The following ADARB2 variants were observed in gnomAD, a reference collection of about 807,000 sequenced individuals.
ADARB2 encodes inactive double-stranded RNA-specific editase B2.
ADARB2 carries 25 observed loss-of-function variants against 62.2 expected under a neutral mutation model. The observed-to-expected ratio is 0.40, with a 90% CI of 0.29 to 0.56. The LOEUF (loss-of-function observed/expected upper bound fraction) is 0.56. ADARB2 is among the 20% of genes least tolerant of loss of function. The pLI is 0.43. For missense variants in ADARB2, 1,071 were observed against 1,077.4 expected (o/e 0.99, Z 0.08); for synonymous variants, 572 against 500.8 (o/e 1.14, Z -1.90).
chr10:1,500,829 T>C (rs1363926388), intron 1 of ADARB2, among the ~76,000 whole-genome samples: 1 of 152,214 alleles, frequency 6.6e-6, no homozygotes, highest in African/African-American at 2.4e-5. Context: ...TGTTGTGCTG[T>C]CCCTGAAACC....
intron 1 of ADARB2, among the ~76,000 whole-genome samples, chr10:1,431,510 T>A (rs900399901): frequency 6.6e-6 from 1 of 151,978 alleles, no homozygotes; most frequent in Admixed American, 6.6e-5. Context: ...ACATTAGAAA[T>A]GAAGAAAGGT....
intron 1 of ADARB2, among the ~76,000 whole-genome samples, chr10:1,639,710 C>T (rs560794776): frequency 3.9e-5 from 6 of 152,182 alleles, no homozygotes; most frequent in Admixed American, 2.6e-4. Context: ...GGTGTGGTGG[C>T]GGGCGCCTGT....
intron 1 of ADARB2, among the ~76,000 whole-genome samples, chr10:1,527,819 G>T (rs1039660495): frequency 3.3e-5 from 5 of 152,162 alleles, no homozygotes; most frequent in African/African-American, 7.2e-5. Flanking sequence ...TCAGATGGAC[G>T]ACAGGGGAGA....
At chr10:1,715,594 T>C (rs1835007402) in intron 1 of ADARB2, among the ~76,000 whole-genome samples, 1 of 152,204 alleles carries the variant, frequency 6.6e-6, no homozygotes, top group African/African-American at 2.4e-5. Context: ...TGTTTCCTCA[T>C]CTGGCCTTCT....
rs541724945 is a variant in ADARB2 at position 1,260,583 on chromosome 10, T to C, written c.1192+10372A>G. On this transcript the variant is annotated intron_variant, in intron 4 of 9. Transcript: ENST00000381312. ...TCAAAGACAATAAAATACCTAGGAA[T>C]CCAACTTATAAGGGATGTGAAGGAC... Among the ~76,000 whole-genome samples the C allele has an allele frequency of 4.0e-3, 602 of 151,730 alleles. 5 individuals are homozygous for C. The highest frequency in any genetic ancestry group is 0.014 in the African/African-American group (575 of 41,236).
At chr10:1,503,191 T>C (rs1831787085) in intron 1 of ADARB2, among the ~76,000 whole-genome samples, 1 of 152,184 alleles carries the variant, frequency 6.6e-6, no homozygotes, top group Non-Finnish European at 1.5e-5. Context: ...GATTATGCAA[T>C]ATCAGGCTTT....
intron 2 of ADARB2, among the ~76,000 whole-genome samples, chr10:1,365,621 C>T (rs1333407368): frequency 1.3e-4 from 20 of 152,150 alleles, no homozygotes; most frequent in Admixed American, 1.3e-3. Flanking sequence ...TTTAAAAAGA[C>T]CTGTAATGTC....
intron 1 of ADARB2, among the ~76,000 whole-genome samples, chr10:1,625,027 T>C (rs1833749533): frequency 6.6e-6 from 1 of 152,244 alleles, no homozygotes; most frequent in South Asian, 2.1e-4. Context: ...TCTCCTACTG[T>C]TGTGTTAGCT....
At chr10:1,372,644 G>A (rs906230221) in intron 2 of ADARB2, among the ~76,000 whole-genome samples, 4 of 152,138 alleles carry the variant, frequency 2.6e-5, no homozygotes, top group Non-Finnish European at 5.9e-5. Context: ...GAGGTTTGAA[G>A]GGCCTGCATT....
chr10:1,480,913 T>G (rs1440616182), intron 1 of ADARB2, among the ~76,000 whole-genome samples: 1 of 152,196 alleles, frequency 6.6e-6, no homozygotes, highest in Non-Finnish European at 1.5e-5. Flanking sequence ...ACAGATTCAA[T>G]GTAATCTCTA....
At chr10:1,209,689 C>T (rs1331170928) in intron 7 of ADARB2, among the ~76,000 whole-genome samples, 1 of 149,182 alleles carries the variant, frequency 6.7e-6, no homozygotes, top group African/African-American at 2.5e-5. Context: ...ACACCCACAC[C>T]ATCACCCATG....
chr10:1,293,209 AGGGAGGGAGAGAGGGACG>A (rs1413768160), intron 3 of ADARB2, among the ~76,000 whole-genome samples: 143 of 94,388 alleles, frequency 1.5e-3, no homozygotes, highest in East Asian at 3.6e-3. Flanking sequence ...AAAAAGAGGG[AGGGAGGGAGAGAGGGACG>A]GGGAGGGAGA....
At position 1,184,875 on chromosome 10, in the gene ADARB2, G is replaced by C; in HGVS notation, c.2029C>G (p.Arg677Gly). 1 of 1,613,366 alleles carries C rather than the reference G, an allele frequency of 6.2e-7. No homozygotes were observed. Among genetic ancestry groups the C allele is most frequent in the Non-Finnish European group, 8.5e-7 (1 of 1,179,838 alleles). ...GTGCGACCTACCCTGCCATACAGCC[G>C]CGCCCACCGTGCAGACAGCACGTGC... ...CKHVLSARWA[R>G]LYGRLSTRTP... Residue 677 changes from arginine (R) to glycine (G), a missense_variant, in exon 9 of 10, where the codon CGG (arginine) becomes GGG (glycine). By Grantham distance (125) the Arg-to-Gly change is moderately radical (BLOSUM62 -2). Coordinates refer to ENST00000381312, the MANE Select transcript of ADARB2 (RefSeq NM_018702.4).
At chr10:1,295,884 A>G (rs1831518405) in intron 3 of ADARB2, among the ~76,000 whole-genome samples, 1 of 152,224 alleles carries the variant, frequency 6.6e-6, no homozygotes, top group African/African-American at 2.4e-5. Context: ...TGTGTGGTGC[A>G]GCAGTAAGCT....
intron 1 of ADARB2, among the ~76,000 whole-genome samples, chr10:1,483,933 C>T (rs1332851577): frequency 3.9e-5 from 6 of 152,148 alleles, no homozygotes; most frequent in Non-Finnish European, 8.8e-5. Flanking sequence ...GATTTTTCTT[C>T]CCCTGAATGA....
chr10:1,379,918 A>G (rs556147317), intron 1 of ADARB2, among the ~76,000 whole-genome samples: 11 of 152,334 alleles, frequency 7.2e-5, no homozygotes, highest in African/African-American at 2.6e-4. Flanking sequence ...TTTTACTCCC[A>G]TGGTCTCAGC....
intron 1 of ADARB2, among the ~76,000 whole-genome samples, chr10:1,573,149 T>A (rs1308940356): frequency 1.3e-5 from 2 of 152,184 alleles, no homozygotes; most frequent in African/African-American, 4.8e-5. Flanking sequence ...TGACGTTTGT[T>A]TGGAGGCAGA....
At chr10:1,548,332 T>A (rs1038902028) in intron 1 of ADARB2, among the ~76,000 whole-genome samples, 2 of 152,218 alleles carry the variant, frequency 1.3e-5, no homozygotes, top group Admixed American at 6.5e-5. Flanking sequence ...TGGTGACAAT[T>A]TGTGGACTTT....
intron 1 of ADARB2, among the ~76,000 whole-genome samples, chr10:1,553,987 G>C (rs906658371): frequency 3.3e-5 from 5 of 152,208 alleles, no homozygotes; most frequent in Admixed American, 6.5e-5. Context: ...GCTGGTGGAG[G>C]CTGTGCAGGG....
Sources: allele counts gnomAD v4.1 joint callset (sites outside exome capture counted in the v4.1 genomes callset), GRCh38; gene constraint gnomAD v4.1.1; transcripts MANE v1.5; gene names NCBI Gene and HGNC (gene_info 2026-07-23, HGNC 2026-07-21).